Variants in MDGA2 observed in about 807,000 individuals in gnomAD.
The protein encoded by MDGA2 is MAM domain-containing glycosylphosphatidylinositol anchor protein 2.
Under a neutral mutation model 117.8 loss-of-function variants are expected in MDGA2, and 40 were observed. The observed-to-expected ratio is 0.34, with a 90% CI of 0.26 to 0.44. The LOEUF (loss-of-function observed/expected upper bound fraction) is 0.44. MDGA2 is among the 20% of genes least tolerant of loss of function. The pLI, the probability that MDGA2 is intolerant of heterozygous loss-of-function variation, is 1.00. For missense variants in MDGA2, 1,123 were observed against 1,250.6 expected (o/e 0.90, Z 1.54); for synonymous variants, 452 against 439.0 (o/e 1.03, Z -0.37).
At chr14:47,521,561 T>C (rs1343210831) in intron 1 of MDGA2, among the ~76,000 whole-genome samples, 2 of 152,170 alleles carry the variant, frequency 1.3e-5, no homozygotes, top group African/African-American at 4.8e-5. Flanking sequence ...GTAGTAATGG[T>C]AGGAGCTCAA....
At position 46,920,091 on chromosome 14, in the gene MDGA2, T is replaced by C; in HGVS notation, c.2159A>G (p.Tyr720Cys). The C allele has an allele frequency of 1.2e-6, 2 of 1,612,050 alleles. No individual in the cohort carries two copies. The highest frequency in any genetic ancestry group is 1.7e-6 in the Non-Finnish European group (2 of 1,179,074). The stretch of plus-strand genomic sequence containing the variant: ...CTGTGTCCACTGTAGACTGTAAGAA[T>C]AAACACGGTGTCTGTTCTGCCATAC... ...NPVWQNRHRV[Y>C]SYSLQWTQMN... Residue 720 changes from tyrosine (Y) to cysteine (C), a missense_variant, in exon 10 of 17, where the codon TAT (tyrosine) becomes TGT (cysteine). Coordinates refer to ENST00000399232, the MANE Select transcript of MDGA2 (RefSeq NM_001113498.3).
At chr14:46,953,941 G>A (rs905467960) in intron 9 of MDGA2, among the ~76,000 whole-genome samples, 1 of 152,014 alleles carries the variant, frequency 6.6e-6, no homozygotes, top group East Asian at 1.9e-4. Context: ...GCTGTCAACC[G>A]AATCTACCAG....
rs1463564674 is a variant in MDGA2 at position 46,865,938 on chromosome 14, A to C, written c.2752+7495T>G. On this transcript the variant is annotated intron_variant, in intron 14 of 16. Transcript: ENST00000399232. ...CATTCCATGCTCATGGGTAGGAAGA[A>C]TCAATATCATGAAAATGGCCATACT... Among the ~76,000 whole-genome samples, 7 of 151,704 alleles carry C rather than the reference A, an allele frequency of 4.6e-5. No individual in the cohort carries two copies. In the East Asian group the frequency reaches 1.4e-3, roughly 29 times the overall value.
intron 3 of MDGA2, among the ~76,000 whole-genome samples, chr14:47,199,660 T>C (rs2139435718): frequency 6.6e-6 from 1 of 152,250 alleles, no homozygotes; most frequent in Non-Finnish European, 1.5e-5. Flanking sequence ...CAATCATACA[T>C]TATGTGGAAT....
At chr14:47,284,573 T>G (rs1266726835) in intron 2 of MDGA2, among the ~76,000 whole-genome samples, 4 of 152,194 alleles carry the variant, frequency 2.6e-5, no homozygotes, top group Admixed American at 6.5e-5. Context: ...TTGACTTGCA[T>G]GCATTCTCAT....
intron 3 of MDGA2, among the ~76,000 whole-genome samples, chr14:47,146,074 G>C (rs1389543593): frequency 2.0e-5 from 3 of 152,052 alleles, no homozygotes; most frequent in Non-Finnish European, 4.4e-5. Flanking sequence ...ATGCTACCCT[G>C]AATATTTAAA....
In MDGA2 at chr14:47,324,117, C is replaced by T. The variant is rs183478718; in HGVS notation, c.281-22567G>A. ...AAAATTAGCCAGGCGTGGTGGCAGG[C>T]ACCTGTAGTCCCAGCTACTAGGGAG... On this transcript the variant is annotated intron_variant, in intron 1 of 16. Transcript: ENST00000399232. 6.2e-4 allele frequency among the ~76,000 whole-genome samples: 94 copies of T among 151,832 alleles called. 1 individual carries two copies. The highest frequency in any genetic ancestry group is 2.2e-3 in the African/African-American group (90 of 41,416).
intron 3 of MDGA2, among the ~76,000 whole-genome samples, chr14:47,191,419 C>CATATATATAT (rs59188931): frequency 7.0e-6 from 1 of 143,528 alleles, no homozygotes; most frequent in African/African-American, 2.5e-5. Context: ...TATATATTTA[C>CATATATATAT]ATATATATAT....
intron 3 of MDGA2, among the ~76,000 whole-genome samples, chr14:47,158,256 G>A (rs1339538712): frequency 6.6e-6 from 1 of 152,068 alleles, no homozygotes; most frequent in Non-Finnish European, 1.5e-5. Context: ...TATCACCTAG[G>A]TGTGTAGTGG....
At chr14:47,035,998 G>T (rs1019028226) in intron 7 of MDGA2, among the ~76,000 whole-genome samples, 1 of 151,684 alleles carries the variant, frequency 6.6e-6, no homozygotes, top group African/African-American at 2.4e-5. Flanking sequence ...GGTCTTGCGC[G>T]GTGGCTCACG....
At chr14:47,158,363 GGTGTGTGTGTGTGTGTGTGTGTGT>G (rs34198544) in intron 3 of MDGA2, among the ~76,000 whole-genome samples, 14 of 146,682 alleles carry the variant, frequency 9.5e-5, no homozygotes, top group African/African-American at 3.5e-4. Context: ...CCCTGGGGTG[GGTGTGTGTGTGTGTGTGTGTGTGT>G]GTGTGTGTGT....
At chr14:46,947,641 C>A (rs1324466814) in intron 9 of MDGA2, among the ~76,000 whole-genome samples, 1 of 152,066 alleles carries the variant, frequency 6.6e-6, no homozygotes, top group African/African-American at 2.4e-5. Flanking sequence ...AGCTCCCTCT[C>A]TCTCTTTGCC....
intron 3 of MDGA2, among the ~76,000 whole-genome samples, chr14:47,150,918 T>G (rs1883136944): frequency 7.9e-6 from 1 of 127,092 alleles, no homozygotes; most frequent in African/African-American, 3.2e-5. Context: ...AGCAAGACTC[T>G]GTCTCAAAAA....
At chr14:47,504,608 C>T (rs1482214054) in intron 1 of MDGA2, among the ~76,000 whole-genome samples, 1 of 151,862 alleles carries the variant, frequency 6.6e-6, no homozygotes, top group African/African-American at 2.4e-5. Flanking sequence ...CATTACTGAT[C>T]CTGAGGGAAA....
rs149180699 is a variant in MDGA2 at position 47,398,012 on chromosome 14, C to T, written c.281-96462G>A. Among the ~76,000 whole-genome samples, 240 of 152,200 alleles carry T rather than the reference C, an allele frequency of 1.6e-3. 1 individual carries two copies. Among genetic ancestry groups the T allele is most frequent in the Non-Finnish European group, 9.4e-4 (64 of 68,006 alleles). On this transcript the variant is annotated intron_variant, in intron 1 of 16. Coordinates refer to ENST00000399232, the MANE Select transcript of MDGA2 (RefSeq NM_001113498.3). ...TATTTTCATTTTATCCTCACAACAT[C>T]GCTTTGAGAATGGAACCATTATTAA... is the stretch of plus-strand genomic sequence containing the variant.
intron 1 of MDGA2, among the ~76,000 whole-genome samples, chr14:47,542,938 A>G (rs931761907): frequency 4.6e-5 from 7 of 152,228 alleles, no homozygotes; most frequent in Non-Finnish European, 8.8e-5. Flanking sequence ...GGCTGGGTGC[A>G]CTGGCTCACA....
intron 3 of MDGA2, among the ~76,000 whole-genome samples, chr14:47,183,135 T>C (rs1019777832): frequency 3.3e-5 from 5 of 152,296 alleles, no homozygotes; most frequent in African/African-American, 1.2e-4. Context: ...TATGGGCTCA[T>C]CCCTGTTTTT....
intron 1 of MDGA2, among the ~76,000 whole-genome samples, chr14:47,417,763 G>A (rs1253509668): frequency 2.0e-5 from 3 of 152,094 alleles, no homozygotes; most frequent in African/African-American, 7.2e-5. Flanking sequence ...CACCCAGGAT[G>A]GACTGCAGTG....
chr14:46,938,751 C>A (rs959422168), intron 9 of MDGA2, among the ~76,000 whole-genome samples: 3 of 151,958 alleles, frequency 2.0e-5, no homozygotes, highest in Admixed American at 2.0e-4. Flanking sequence ...ATTCAACAAT[C>A]CCTCTACTGA....
Sources: gnomAD v4.1 joint callset for allele counts (sites outside exome capture counted in the v4.1 genomes callset) on GRCh38, gnomAD v4.1.1 for gene constraint, MANE v1.5 for transcripts, NCBI Gene and HGNC (gene_info 2026-07-23, HGNC 2026-07-21) for gene names.